The following SLC10A7 variants were observed in gnomAD, a reference collection of about 807,000 sequenced individuals.
SLC10A7 encodes the protein solute carrier family 10 member 7, also known as sodium/bile acid cotransporter 7.
SLC10A7 carries 29 observed loss-of-function variants against 43.2 expected under a neutral mutation model. The ratio of observed to expected loss-of-function variants is 0.67; its 90% CI spans 0.50 to 0.92. SLC10A7 has a LOEUF of 0.92. Ranked by LOEUF, SLC10A7 falls within the 40% of genes least tolerant of loss-of-function variation. The pLI is 0.00. For missense variants in SLC10A7, 295 were observed against 403.2 expected (o/e 0.73, Z 2.30); for synonymous variants, 152 against 144.8 (o/e 1.05, Z -0.35).
chr4:146,281,540 G>A (rs1349824358), intron 10 of SLC10A7, among the ~76,000 whole-genome samples: 5 of 151,974 alleles, frequency 3.3e-5, no homozygotes, highest in East Asian at 3.9e-4. Flanking sequence ...AGGCTCATTC[G>A]ATCCCTGCAC....
intron 5 of SLC10A7, among the ~76,000 whole-genome samples, chr4:146,362,742 TTA>T (rs1288173303): frequency 6.6e-6 from 1 of 152,098 alleles, no homozygotes; most frequent in Non-Finnish European, 1.5e-5. Flanking sequence ...CATGAGATTT[TTA>T]GTTTTTTCCT....
chr4:146,459,642 G>T (rs1181788407), intron 4 of SLC10A7, among the ~76,000 whole-genome samples: 2 of 150,706 alleles, frequency 1.3e-5, no homozygotes, highest in Non-Finnish European at 3.0e-5. Context: ...AAACTCTGAT[G>T]CTTATTCACA....
intron 5 of SLC10A7, among the ~76,000 whole-genome samples, chr4:146,429,488 T>C (rs1729612468): frequency 6.6e-6 from 1 of 152,178 alleles, no homozygotes; most frequent in South Asian, 2.1e-4. Context: ...AACAAACACC[T>C]GCCTTCATGG....
Position 146,504,083 on chromosome 4 carries a change from G to A in SLC10A7, c.321-159C>T, listed in dbSNP as rs147039080. Among the ~76,000 whole-genome samples, 242 of 152,310 alleles carry A rather than the reference G, an allele frequency of 1.6e-3. 1 individual carries two copies. The highest frequency in any genetic ancestry group is 5.4e-3 in the African/African-American group (224 of 41,566). On this transcript the variant is annotated intron_variant, in intron 3 of 11. Transcript: ENST00000335472. ...TTTAGACAAGTCTACACAAGGCAAC[G>A]TGGCTTACACGGTGCTGCAAATGTA...
At chr4:146,415,077 A>G (rs1421173255) in intron 5 of SLC10A7, among the ~76,000 whole-genome samples, 1 of 152,242 alleles carries the variant, frequency 6.6e-6, no homozygotes, top group African/African-American at 2.4e-5. Flanking sequence ...AAAACAGAAG[A>G]GGAAATCTCA....
chr4:146,454,287 C>T (rs1731858732), intron 4 of SLC10A7, among the ~76,000 whole-genome samples: 1 of 151,822 alleles, frequency 6.6e-6, no homozygotes, highest in South Asian at 2.1e-4. Context: ...ATTGCATCCT[C>T]CTGAAATCTC....
At chr4:146,298,143 A>G (rs143111679) in intron 7 of SLC10A7, among the ~76,000 whole-genome samples, 64 of 152,238 alleles carry the variant, frequency 4.2e-4, no homozygotes, top group African/African-American at 1.4e-3. Context: ...CAAATTCCTC[A>G]CTTTCCGTGT....
chr4:146,433,497 C>T (rs927037992), intron 5 of SLC10A7, among the ~76,000 whole-genome samples: 4 of 152,108 alleles, frequency 2.6e-5, no homozygotes, highest in South Asian at 4.2e-4. Context: ...TTTGCTAAAG[C>T]TTTTTTAGAA....
At chr4:146,462,143 A>T (rs1267241141) in intron 4 of SLC10A7, among the ~76,000 whole-genome samples, 1 of 152,106 alleles carries the variant, frequency 6.6e-6, no homozygotes, top group African/African-American at 2.4e-5. Context: ...TTTAAAGTTA[A>T]TTGAGTTTAA....
intron 7 of SLC10A7, among the ~76,000 whole-genome samples, chr4:146,299,931 G>A (rs1255168308): frequency 6.6e-6 from 1 of 152,142 alleles, no homozygotes; most frequent in Non-Finnish European, 1.5e-5. Flanking sequence ...GCTCTGCCAG[G>A]GAGTGAGGTG....
intron 10 of SLC10A7, among the ~76,000 whole-genome samples, chr4:146,282,590 C>T (rs1371991586): frequency 6.6e-6 from 1 of 152,056 alleles, no homozygotes; most frequent in Non-Finnish European, 1.5e-5. Flanking sequence ...TGGGATAATG[C>T]CACTAATTGG....
intron 5 of SLC10A7, among the ~76,000 whole-genome samples, chr4:146,423,338 A>G (rs910863312): frequency 6.6e-6 from 1 of 152,130 alleles, no homozygotes; most frequent in African/African-American, 2.4e-5. Flanking sequence ...CTTCAGTTCT[A>G]TTTCTTCTTA....
chr4:146,389,277 T>C (rs1282824531), intron 5 of SLC10A7, among the ~76,000 whole-genome samples: 1 of 150,580 alleles, frequency 6.6e-6, no homozygotes, highest in Non-Finnish European at 1.5e-5. Flanking sequence ...AATATATCCA[T>C]GTAACAAAAC....
At chr4:146,449,712 A>C (rs1731418423) in intron 4 of SLC10A7, among the ~76,000 whole-genome samples, 1 of 152,156 alleles carries the variant, frequency 6.6e-6, no homozygotes, top group Admixed American at 6.5e-5. Context: ...AAAACAGTGA[A>C]ACAGACCATG....
intron 11 of SLC10A7, among the ~76,000 whole-genome samples, chr4:146,257,798 A>C (rs548950129): frequency 6.6e-6 from 1 of 152,346 alleles, no homozygotes; most frequent in South Asian, 2.1e-4. Context: ...CTCTGAGCCC[A>C]GGCAGGCTGG....
chr4:146,444,229 A>T (rs1424096997), intron 4 of SLC10A7, among the ~76,000 whole-genome samples: 1 of 152,162 alleles, frequency 6.6e-6, no homozygotes, highest in Admixed American at 6.5e-5. Flanking sequence ...TCCTACAAAA[A>T]ATGTACCTTT....
intron 9 of SLC10A7, among the ~76,000 whole-genome samples, chr4:146,286,290 AG>A (rs1729935413): frequency 6.6e-6 from 1 of 150,836 alleles, no homozygotes; most frequent in Non-Finnish European, 1.5e-5. Flanking sequence ...AGTGGTGAGA[AG>A]GACTGAGTTT....
At chr4:146,378,951 C>T (rs78623985) in intron 5 of SLC10A7, among the ~76,000 whole-genome samples, 9,629 of 152,062 alleles carry the variant, frequency 0.063, 388 homozygotes, top group South Asian at 0.17. Context: ...CAAGAGACCA[C>T]CTGAGCCCCC....
chr4:146,456,974 A>G (rs1203697360), intron 4 of SLC10A7, among the ~76,000 whole-genome samples: 1 of 151,930 alleles, frequency 6.6e-6, no homozygotes, highest in Non-Finnish European at 1.5e-5. Context: ...GTCAAAGACT[A>G]GATATATTTT....
Sources: allele counts gnomAD v4.1 joint callset (sites outside exome capture counted in the v4.1 genomes callset), GRCh38; gene constraint gnomAD v4.1.1; transcripts MANE v1.5; gene names NCBI Gene and HGNC (gene_info 2026-07-23, HGNC 2026-07-21).